FRMD5: variants seen among roughly 807,000 people sequenced by gnomAD.
FRMD5 encodes the protein FERM domain containing 5, also known as FERM domain-containing protein 5.
A neutral mutation model predicts 69.0 loss-of-function variants in FRMD5; 20 were observed. That is an observed-to-expected ratio of 0.29 (90% confidence interval 0.20 to 0.42). The LOEUF (loss-of-function observed/expected upper bound fraction) is 0.42. Ranked by LOEUF, FRMD5 falls within the 10% of genes least tolerant of loss-of-function variation. The pLI is 1.00. For synonymous variants in FRMD5, 271 were observed against 260.1 expected, an observed-to-expected ratio of 1.04 and a Z score of -0.40; for missense variants, 595 against 708.6, an observed-to-expected ratio of 0.84 and a Z score of 1.82.
At chr15:44,054,807 C>T (rs538417862) in intron 1 of FRMD5, among the ~76,000 whole-genome samples, 3 of 151,964 alleles carry the variant, frequency 2.0e-5, no homozygotes, top group African/African-American at 7.2e-5. Context: ...CGCAGTGGCT[C>T]ACACCTGTAA....
At chr15:43,937,720 G>A (rs939224066) in intron 1 of FRMD5, among the ~76,000 whole-genome samples, 1 of 151,946 alleles carries the variant, frequency 6.6e-6, no homozygotes, top group South Asian at 2.1e-4. Context: ...AGTGAGCAGA[G>A]GGAGAAGCTG....
intron 1 of FRMD5, among the ~76,000 whole-genome samples, chr15:44,152,879 TA>T (rs34543964): frequency 4.7e-5 from 7 of 149,434 alleles, no homozygotes; most frequent in Admixed American, 4.7e-4. Flanking sequence ...AAATATTTTC[TA>T]AAAAAAAAAG....
rs949310210 is a variant in FRMD5 at position 44,098,209 on chromosome 15, G to T, written c.102+96744C>A. Among the ~76,000 whole-genome samples, 6 of 151,860 alleles carry T rather than the reference G, an allele frequency of 4.0e-5. 1 individual carries two copies. Among genetic ancestry groups the T allele is most frequent in the Admixed American group, 2.6e-4 (4 of 15,220 alleles). On this transcript the variant is annotated intron_variant, in intron 1 of 13. Transcript: ENST00000417257. Reference sequence around the variant, plus strand: ...ACTCTCTGTCACCTGACTCTTCAATGAACAGGAAGCATACTCTCTACTAAA... The same window carrying T: ...ACTCTCTGTCACCTGACTCTTCAATTAACAGGAAGCATACTCTCTACTAAA...
chr15:44,151,300 G>C (rs2077442791), intron 1 of FRMD5, among the ~76,000 whole-genome samples: 1 of 151,684 alleles, frequency 6.6e-6, no homozygotes, highest in African/African-American at 2.4e-5. Flanking sequence ...GGGAGGCTGA[G>C]GCAGGAGAAT....
chr15:44,051,381 G>C (rs1396663569), intron 1 of FRMD5, among the ~76,000 whole-genome samples: 1 of 145,650 alleles, frequency 6.9e-6, no homozygotes, highest in Admixed American at 6.8e-5. Context: ...GGCCAACATG[G>C]TAAAACCCCG....
chr15:43,902,576 G>A (rs2089072851), intron 6 of FRMD5, among the ~76,000 whole-genome samples: 1 of 151,844 alleles, frequency 6.6e-6, no homozygotes, highest in Admixed American at 6.6e-5. Context: ...CCCACTACTT[G>A]GGAGGCTGAG....
intron 2 of FRMD5, among the ~76,000 whole-genome samples, chr15:43,922,377 T>C (rs1358185042): frequency 6.6e-6 from 1 of 152,218 alleles, no homozygotes; most frequent in African/African-American, 2.4e-5. Context: ...GCTTAGTGCC[T>C]GGCACGACTC....
At chr15:43,951,061 C>T (rs186699485) in intron 1 of FRMD5, among the ~76,000 whole-genome samples, 10 of 152,202 alleles carry the variant, frequency 6.6e-5, no homozygotes, top group Admixed American at 6.5e-4. Flanking sequence ...ATATGCATCA[C>T]CTGAAACATT....
chr15:44,103,994 T>G (rs2076677749), intron 1 of FRMD5, among the ~76,000 whole-genome samples: 1 of 152,236 alleles, frequency 6.6e-6, no homozygotes. Context: ...TAACACTTGA[T>G]AATAGCAATG....
intron 1 of FRMD5, among the ~76,000 whole-genome samples, chr15:44,051,337 A>T (rs1356806027): frequency 6.8e-6 from 1 of 147,226 alleles, no homozygotes. Context: ...TTTTTAGTAG[A>T]GACGGGGTTT....
intron 1 of FRMD5, among the ~76,000 whole-genome samples, chr15:43,974,474 C>T (rs1296959849): frequency 1.3e-5 from 2 of 152,142 alleles, no homozygotes; most frequent in African/African-American, 2.4e-5. Context: ...GCTTTTTATG[C>T]CTTAGGATGG....
rs189105245 is a variant in FRMD5, at chr15:43,973,168, G to A, written c.103-48859C>T. 3.7e-3 allele frequency among the ~76,000 whole-genome samples: 563 copies of A among 151,916 alleles called. 5 individuals carry two copies. The highest frequency in any genetic ancestry group is 0.013 in the African/African-American group (529 of 41,460). ...CTCCCGAGTAGCTGGGACTACAGACGCCCGCCACCACGCCTGGCTAATTTT... is the reference window on the plus strand; with the variant it reads ...CTCCCGAGTAGCTGGGACTACAGACACCCGCCACCACGCCTGGCTAATTTT... On this transcript the variant is annotated intron_variant, in intron 1 of 13. Coordinates refer to ENST00000417257, the MANE Select transcript of FRMD5 (RefSeq NM_032892.5).
At chr15:43,892,817 C>T (rs1161395513) in intron 7 of FRMD5, among the ~76,000 whole-genome samples, 1 of 152,172 alleles carries the variant, frequency 6.6e-6, no homozygotes, top group Non-Finnish European at 1.5e-5. Context: ...TAAAAGGGCA[C>T]ATATCGCCAG....
At chr15:43,993,317 C>T (rs1005904374) in intron 1 of FRMD5, among the ~76,000 whole-genome samples, 9 of 152,068 alleles carry the variant, frequency 5.9e-5, no homozygotes, top group South Asian at 2.1e-4. Flanking sequence ...CTCAGCCTCC[C>T]GAGTAGCTGG....
intron 5 of FRMD5, among the ~76,000 whole-genome samples, chr15:43,906,847 CG>C (rs1406987587): frequency 1.3e-5 from 2 of 151,548 alleles, no homozygotes; most frequent in African/African-American, 2.4e-5. Flanking sequence ...GTGATCCGCC[CG>C]CCTTGGCCTC....
chr15:43,945,534 G>C (rs1334555814), intron 1 of FRMD5, among the ~76,000 whole-genome samples: 10 of 152,096 alleles, frequency 6.6e-5, no homozygotes, highest in Non-Finnish European at 1.3e-4. Context: ...TATGAATGAA[G>C]TAGGTCCTGG....
intron 1 of FRMD5, among the ~76,000 whole-genome samples, chr15:43,990,902 T>C (rs1289499852): frequency 6.6e-6 from 1 of 152,214 alleles, no homozygotes; most frequent in Admixed American, 6.5e-5. Flanking sequence ...TACATCTCTA[T>C]AGATGACTGA....
rs187775622 is a variant in FRMD5, at chr15:44,081,560, T to C, written c.102+113393A>G. On this transcript the variant is annotated intron_variant, in intron 1 of 13. Transcript: ENST00000417257. ...AAAAATGAACTATGGTCCAGTCGTT[T>C]ACTTATATTTCACGTTTACTGAGAT... Among the ~76,000 whole-genome samples, 306 of 152,268 alleles carry C rather than the reference T, an allele frequency of 2.0e-3. 1 individual carries two copies. Among genetic ancestry groups the C allele is most frequent in the African/African-American group, 7.0e-3 (289 of 41,570 alleles).
chr15:43,878,771 C>T (rs762829748), intron 13 of FRMD5, among the ~76,000 whole-genome samples: 4 of 152,060 alleles, frequency 2.6e-5, no homozygotes, highest in Admixed American at 6.6e-5. Context: ...GCTTAACCTA[C>T]GATTACACCC....
Sources: gnomAD v4.1 joint callset for allele counts (sites outside exome capture counted in the v4.1 genomes callset) on GRCh38, gnomAD v4.1.1 for gene constraint, MANE v1.5 for transcripts, NCBI Gene and HGNC (gene_info 2026-07-23, HGNC 2026-07-21) for gene names.